The following RCL1 variants were observed in gnomAD, a reference collection of about 807,000 sequenced individuals.
The protein encoded by RCL1 is RNA terminal phosphate cyclase like 1.
A neutral mutation model predicts 42.4 loss-of-function variants in RCL1; 24 were observed. The observed-to-expected ratio is 0.57, with a 90% CI of 0.41 to 0.80. The LOEUF (loss-of-function observed/expected upper bound fraction) is 0.80, where lower values mean the gene tolerates loss of function less well. Among genes scored for constraint, RCL1 ranks in the 30% least tolerant of loss-of-function variants. The probability of loss-of-function intolerance (pLI) is 0.00; values close to 1 mark genes in which losing one functional copy is unlikely to be tolerated. For synonymous variants in RCL1, 228 were observed against 177.3 expected, an observed-to-expected ratio of 1.29 and a Z score of -2.27; for missense variants, 578 against 467.9, an observed-to-expected ratio of 1.24 and a Z score of -2.17.
At chr9:4,845,229 C>A (rs1457990870) in intron 7 of RCL1, among the ~76,000 whole-genome samples, 2 of 152,184 alleles carry the variant, frequency 1.3e-5, no homozygotes, top group African/African-American at 2.4e-5. Flanking sequence ...TAAAAAAGCA[C>A]AGAATAACTA....
At chr9:4,817,786 C>T (rs970742292) in intron 1 of RCL1, among the ~76,000 whole-genome samples, 1 of 152,042 alleles carries the variant, frequency 6.6e-6, no homozygotes, top group Non-Finnish European at 1.5e-5. Flanking sequence ...CGTGAGCCAC[C>T]ACACCCAGCT....
intron 1 of RCL1, among the ~76,000 whole-genome samples, chr9:4,802,886 C>A (rs2130969276): frequency 6.6e-6 from 1 of 152,226 alleles, no homozygotes; most frequent in East Asian, 1.9e-4. Context: ...AGAGGTGCGA[C>A]CTTAGCCTAC....
chr9:4,843,039 A>G (rs189841401), intron 6 of RCL1, among the ~76,000 whole-genome samples: 55 of 152,324 alleles, frequency 3.6e-4, no homozygotes, highest in African/African-American at 1.1e-3. Flanking sequence ...CATGGACATG[A>G]TGTAGACTGT....
At chr9:4,821,649 T>A (rs990293124) in intron 1 of RCL1, among the ~76,000 whole-genome samples, 1 of 152,138 alleles carries the variant, frequency 6.6e-6, no homozygotes, top group Non-Finnish European at 1.5e-5. Flanking sequence ...GACTCATTTT[T>A]TTTTTTCCCC....
At chr9:4,815,329 GTAATTTTGAAAGACTTATCT>G (rs1048288037) in intron 1 of RCL1, among the ~76,000 whole-genome samples, 1 of 152,046 alleles carries the variant, frequency 6.6e-6, no homozygotes, top group Non-Finnish European at 1.5e-5. Context: ...CTTTGAGTAG[GTAATTTTGAAAGACTTATCT>G]TCAAGTTCAG....
intron 1 of RCL1, among the ~76,000 whole-genome samples, chr9:4,819,756 A>G (rs1003744338): frequency 3.3e-5 from 5 of 152,182 alleles, no homozygotes; most frequent in South Asian, 2.1e-4. Context: ...GCAGTGAGCC[A>G]AGATCGCGCC....
At chr9:4,810,418 G>T (rs1018394542) in intron 1 of RCL1, among the ~76,000 whole-genome samples, 6 of 152,168 alleles carry the variant, frequency 3.9e-5, no homozygotes, top group African/African-American at 1.4e-4. Context: ...TATAATTTTT[G>T]TAAATGGAAT....
intron 1 of RCL1, among the ~76,000 whole-genome samples, chr9:4,805,457 C>T (rs760928919): frequency 5.9e-5 from 9 of 151,610 alleles, no homozygotes; most frequent in Non-Finnish European, 1.3e-4. Flanking sequence ...TCCAGAGATC[C>T]TTCTTTGGAT....
At chr9:4,827,332 G>A in intron 3 of RCL1, 2 of 1,139,326 alleles carry the variant, frequency 1.8e-6, no homozygotes, top group Non-Finnish European at 1.2e-6. Flanking sequence ...TCTGCTGGCT[G>A]TATATGTGAG....
At position 4,860,897 on chromosome 9, in the gene RCL1, T is replaced by G. The variant is rs1346603420; in HGVS notation, c.*622T>G. On this transcript the variant is annotated 3_prime_UTR_variant, in exon 9 of 9. Coordinates refer to ENST00000381750, the MANE Select transcript of RCL1 (RefSeq NM_005772.5). ...TGTGAGGGATGGATGGCTGCGGGGCTCCAAGTAAGTTATTGGGATGTTTTT... is the reference window on the plus strand; with the variant it reads ...TGTGAGGGATGGATGGCTGCGGGGCGCCAAGTAAGTTATTGGGATGTTTTT... The G allele has an allele frequency of 7.7e-6, 1 of 129,472 alleles. No individual in the cohort carries two copies. Among genetic ancestry groups the G allele is most frequent in the African/African-American group, 3.1e-5 (1 of 32,190 alleles). 8.0% of individuals were successfully genotyped at this position (129,472 alleles called of 1,614,324 possible).
Position 4,860,193 on chromosome 9 carries a change from G to A in RCL1, c.1040G>A (p.Gly347Asp). ...TTTAAAATTGAAACCAAGCCATGTG[G>A]TGAAGAACTCAAGGGTGGGGATAAA... ...IMFKIETKPCGEELKGGDKVL... is the reference protein window; with the variant it reads ...IMFKIETKPCDEELKGGDKVL... The change falls in exon 9 of 9, where the codon GGT becomes GAT. Residue 347 changes from glycine (G) to aspartate (D), a missense_variant. Coordinates refer to ENST00000381750, the MANE Select transcript of RCL1 (RefSeq NM_005772.5). 1.2e-6 allele frequency: 2 copies of A among 1,612,592 alleles called. No individual in the cohort carries two copies. The highest frequency in any genetic ancestry group is 1.7e-6 in the Non-Finnish European group (2 of 1,179,448).
At chr9:4,856,903 C>T (rs1179061310) in intron 8 of RCL1, among the ~76,000 whole-genome samples, 2 of 152,176 alleles carry the variant, frequency 1.3e-5, no homozygotes, top group African/African-American at 4.8e-5. Context: ...GCCCCCTTTT[C>T]TCCATGTAGC....
intron 1 of RCL1, among the ~76,000 whole-genome samples, chr9:4,816,880 G>A (rs1012994673): frequency 4.6e-5 from 7 of 152,080 alleles, no homozygotes; most frequent in South Asian, 4.2e-4. Flanking sequence ...GCAGTGGCGC[G>A]ATCTCGGCTC....
At chr9:4,825,445 G>C (rs1816729495) in intron 2 of RCL1, among the ~76,000 whole-genome samples, 1 of 151,998 alleles carries the variant, frequency 6.6e-6, no homozygotes, top group Admixed American at 6.6e-5. Flanking sequence ...TCAGATAACT[G>C]ACCCAGAGTC....
intron 1 of RCL1, among the ~76,000 whole-genome samples, chr9:4,805,836 G>A (rs1326915922): frequency 6.6e-5 from 10 of 152,164 alleles, no homozygotes; most frequent in Admixed American, 6.5e-4. Flanking sequence ...TTGTCAGTCT[G>A]GGGAACTCAG....
intron 1 of RCL1, among the ~76,000 whole-genome samples, chr9:4,816,601 C>T (rs772657355): frequency 1.3e-5 from 2 of 152,200 alleles, no homozygotes; most frequent in Middle Eastern, 6.8e-3. Context: ...GCTTTATCCG[C>T]AGCCCTTTTT....
At chr9:4,793,914 C>G (rs1842873519) in intron 1 of RCL1, among the ~76,000 whole-genome samples, 1 of 152,198 alleles carries the variant, frequency 6.6e-6, no homozygotes, top group African/African-American at 2.4e-5. Context: ...CTGCAGGCTT[C>G]CAAGCTCACT....
At chr9:4,850,326 A>G (rs777507775) in intron 8 of RCL1, 1 of 534,442 alleles carries the variant, frequency 1.9e-6, no homozygotes, top group East Asian at 5.4e-5. Flanking sequence ...CATGGTACCG[A>G]TGCTGTATAT....
intron 5 of RCL1, chr9:4,836,770 T>A (rs1395883256): frequency 6.6e-6 from 1 of 152,236 alleles, no homozygotes; most frequent in Non-Finnish European, 1.5e-5. Flanking sequence ...GAACAGTAAG[T>A]GGTGAAGGGC....
Sources: gnomAD v4.1 joint callset for allele counts (sites outside exome capture counted in the v4.1 genomes callset) on GRCh38, gnomAD v4.1.1 for gene constraint, MANE v1.5 for transcripts, NCBI Gene and HGNC (gene_info 2026-07-23, HGNC 2026-07-21) for gene names.